The following MAMDC2 variants were observed in gnomAD, a reference collection of about 807,000 sequenced individuals.
MAMDC2 encodes MAM domain containing 2, also known as MAM domain-containing protein 2.
In MAMDC2, 57 loss-of-function variants were observed where a neutral mutation model predicts 89.8. The ratio of observed to expected loss-of-function variants is 0.63; its 90% CI spans 0.51 to 0.79. The LOEUF (loss-of-function observed/expected upper bound fraction) is 0.79. Among genes scored for constraint, MAMDC2 ranks in the 30% least tolerant of loss-of-function variants. The probability of loss-of-function intolerance (pLI) is 0.00; values close to 1 mark genes in which losing one functional copy is unlikely to be tolerated. For missense variants in MAMDC2, 800 were observed against 820.6 expected, an observed-to-expected ratio of 0.97 and a Z score of 0.31; for synonymous variants, 313 against 293.4, an observed-to-expected ratio of 1.07 and a Z score of -0.68.
chr9:70,193,325 A>C (rs1477003409), intron 11 of MAMDC2, among the ~76,000 whole-genome samples: 3 of 152,248 alleles, frequency 2.0e-5, no homozygotes, highest in Admixed American at 2.0e-4. Context: ...ATAATAAGAA[A>C]ATTTTAATTG....
At chr9:70,165,081 A>C (rs928200648) in intron 9 of MAMDC2, among the ~76,000 whole-genome samples, 1 of 152,068 alleles carries the variant, frequency 6.6e-6, no homozygotes, top group African/African-American at 2.4e-5. Flanking sequence ...GCCTACAATG[A>C]AATAAACACT....
intron 12 of MAMDC2, among the ~76,000 whole-genome samples, chr9:70,223,132 C>CAAAAAAA (rs57177475): frequency 8.4e-6 from 1 of 119,068 alleles, no homozygotes; most frequent in Non-Finnish European, 1.7e-5. Context: ...GACTCTGTCT[C>CAAAAAAA]AAAAAAAAAA....
chr9:70,170,094 C>T (rs2032286904), intron 10 of MAMDC2: 1 of 165,354 alleles, frequency 6.0e-6, no homozygotes, highest in Non-Finnish European at 1.3e-5. Context: ...ACCCTTCACT[C>T]ATCCAGGATT....
intron 11 of MAMDC2, among the ~76,000 whole-genome samples, chr9:70,191,475 T>A (rs1315888991): frequency 6.6e-6 from 1 of 150,554 alleles, no homozygotes; most frequent in Admixed American, 6.6e-5. Context: ...TGTCATCTGT[T>A]ACCCCCACCC....
chr9:70,168,669 C>A (rs1195067284), intron 9 of MAMDC2, 33 bp from the exon 10 acceptor site: 11 of 1,572,220 alleles, frequency 7.0e-6, no homozygotes, highest in Non-Finnish European at 8.7e-6. Flanking sequence ...TTTCAGTTAA[C>A]AGAATTCATA....
intron 11 of MAMDC2, among the ~76,000 whole-genome samples, chr9:70,197,719 AAAAACAAAAC>A (rs374816442): frequency 2.0e-5 from 3 of 152,110 alleles, no homozygotes; most frequent in Admixed American, 1.3e-4. Context: ...AGTTTTTGGC[AAAAACAAAAC>A]AAAACAAAAC....
intron 11 of MAMDC2, among the ~76,000 whole-genome samples, chr9:70,203,067 T>C (rs960729537): frequency 4.6e-5 from 7 of 152,294 alleles, no homozygotes; most frequent in Non-Finnish European, 8.8e-5. Context: ...TTAAAGTTAA[T>C]ATTGTTATGT....
chr9:70,195,991 G>A (rs947491437), intron 11 of MAMDC2, among the ~76,000 whole-genome samples: 1 of 152,106 alleles, frequency 6.6e-6, no homozygotes, highest in African/African-American at 2.4e-5. Context: ...GAGGTTTAAT[G>A]GACTCACAGT....
intron 11 of MAMDC2, among the ~76,000 whole-genome samples, chr9:70,171,827 T>C (rs1025890400): frequency 6.6e-6 from 1 of 152,132 alleles, no homozygotes; most frequent in East Asian, 1.9e-4. Flanking sequence ...TGACAGCTGA[T>C]GAGCTAAAAA....
At position 70,085,592 on chromosome 9, in the gene MAMDC2, A is replaced by T. The variant is rs541779465; in HGVS notation, c.149-22619A>T. On this transcript the variant is annotated intron_variant, in intron 2 of 13. Transcript: ENST00000377182. ...TTCCCAGTTTGGATTTGACCAGACT[A>T]CTGCTTGTTTCCAAATCCTGAGATG... Among the ~76,000 whole-genome samples, 3 of 152,124 alleles carry T rather than the reference A, an allele frequency of 2.0e-5. No individual in the cohort carries two copies. The South Asian group carries it at 6.2e-4, about 32-fold the overall frequency.
chr9:70,045,775 C>T (rs1334494631), intron 2 of MAMDC2, among the ~76,000 whole-genome samples: 1 of 152,140 alleles, frequency 6.6e-6, no homozygotes, highest in Non-Finnish European at 1.5e-5. Flanking sequence ...GAATCTCAGC[C>T]ATAGAATATT....
At chr9:70,131,254 C>T (rs566235026) in intron 6 of MAMDC2, among the ~76,000 whole-genome samples, 1 of 152,272 alleles carries the variant, frequency 6.6e-6, no homozygotes, top group East Asian at 1.9e-4. Context: ...TTACCATTCC[C>T]TTAGGGGTTC....
At chr9:70,155,853 C>T (rs951418191) in intron 9 of MAMDC2, among the ~76,000 whole-genome samples, 1 of 152,196 alleles carries the variant, frequency 6.6e-6, no homozygotes, top group Non-Finnish European at 1.5e-5. Flanking sequence ...CTATGCTTCT[C>T]TCAATGTCTA....
At chr9:70,088,083 T>G (rs1470973477) in intron 2 of MAMDC2, among the ~76,000 whole-genome samples, 1 of 152,052 alleles carries the variant, frequency 6.6e-6, no homozygotes, top group South Asian at 2.1e-4. Context: ...TCAGACAACT[T>G]TTACAGAAGT....
intron 9 of MAMDC2, among the ~76,000 whole-genome samples, chr9:70,164,308 G>A (rs930232265): frequency 5.3e-5 from 8 of 152,152 alleles, no homozygotes; most frequent in Non-Finnish European, 1.2e-4. Flanking sequence ...TGTATACTAT[G>A]TATTTTTAGT....
At chr9:70,130,553 G>A (rs971244077) in intron 6 of MAMDC2, among the ~76,000 whole-genome samples, 20 of 152,168 alleles carry the variant, frequency 1.3e-4, no homozygotes, top group Non-Finnish European at 2.6e-4. Context: ...GGTTGACTGA[G>A]CTCACAGTTA....
intron 2 of MAMDC2, among the ~76,000 whole-genome samples, chr9:70,083,182 G>C (rs4744974): frequency 0.49 from 74,953 of 152,008 alleles, 21,542 homozygotes; most frequent in Non-Finnish European, 0.63. Context: ...GGCTGCTATT[G>C]TCTCATTTTC....
chr9:70,180,015 C>T lies in MAMDC2; in HGVS notation c.1651+9384C>T, dbSNP rs191227035. ...AGCCCTGCATGCATTAGATATTTGT[C>T]CCCCCACCCCCCAACAGGCCCCGGT... On this transcript the variant is annotated intron_variant, in intron 11 of 13. Transcript: ENST00000377182. Among the ~76,000 whole-genome samples, 214 of 151,118 alleles carry T rather than the reference C, an allele frequency of 1.4e-3. 1 individual carries two copies. The highest frequency in any genetic ancestry group is 2.5e-4 in the Non-Finnish European group (17 of 67,796).
At chr9:70,063,673 A>T (rs1365818174) in intron 2 of MAMDC2, among the ~76,000 whole-genome samples, 1 of 152,208 alleles carries the variant, frequency 6.6e-6, no homozygotes, top group Non-Finnish European at 1.5e-5. Context: ...CAAGAAAGTG[A>T]TAATAGTATT....
Sources: gnomAD v4.1 joint callset for allele counts (sites outside exome capture counted in the v4.1 genomes callset) on GRCh38, gnomAD v4.1.1 for gene constraint, MANE v1.5 for transcripts, NCBI Gene and HGNC (gene_info 2026-07-23, HGNC 2026-07-21) for gene names.